Variants in TIAM2 observed in about 807,000 individuals in gnomAD.
TIAM2 encodes rho guanine nucleotide exchange factor TIAM2.
Under a neutral mutation model 152.9 loss-of-function variants are expected in TIAM2, and 80 were observed. That is an observed-to-expected ratio of 0.52 (90% CI 0.44 to 0.63). TIAM2 has a LOEUF of 0.63. Ranked by LOEUF, TIAM2 falls within the 30% of genes least tolerant of loss-of-function variation. The pLI is 0.00. For synonymous variants in TIAM2, 804 were observed against 838.0 expected (o/e 0.96, Z 0.70); for missense variants, 1,965 against 2,120.1 (o/e 0.93, Z 1.44).
intron 15 of TIAM2, among the ~76,000 whole-genome samples, chr6:155,237,886 A>G (rs777945944): frequency 6.6e-6 from 1 of 152,230 alleles, no homozygotes; most frequent in Non-Finnish European, 1.5e-5. Context: ...GACCTCTGAC[A>G]TGCCCTGGAG....
At chr6:155,015,554 A>C (rs1233639487) in intron 1 of TIAM2, among the ~76,000 whole-genome samples, 2 of 152,178 alleles carry the variant, frequency 1.3e-5, no homozygotes, top group Admixed American at 1.3e-4. Context: ...TGGAAGAAGA[A>C]TAGGAGGCAG....
chr6:155,255,784 G>C (rs1050172443), intron 26 of TIAM2: 1 of 152,374 alleles, frequency 6.6e-6, no homozygotes, highest in African/African-American at 2.4e-5. Context: ...TGGATCCCTT[G>C]AGCTCTTGAG....
At chr6:155,217,430 C>T (rs371122990) in intron 15 of TIAM2, among the ~76,000 whole-genome samples, 3 of 152,280 alleles carry the variant, frequency 2.0e-5, no homozygotes, top group African/African-American at 7.2e-5. Flanking sequence ...AATATTTACT[C>T]TACAAAATAT....
chr6:155,137,063 C>T, intron 4 of TIAM2, 114 bp from the exon 5 acceptor site: 2 of 1,123,998 alleles, frequency 1.8e-6, no homozygotes, highest in Non-Finnish European at 2.5e-6. Flanking sequence ...TTACAAGAAT[C>T]TTGCTTTGCA....
intron 7 of TIAM2, among the ~76,000 whole-genome samples, chr6:155,161,899 C>G (rs1780283028): frequency 6.6e-6 from 1 of 152,026 alleles, no homozygotes; most frequent in South Asian, 2.1e-4. Flanking sequence ...TTTAATCCAC[C>G]ATGGATTGCA....
intron 15 of TIAM2, among the ~76,000 whole-genome samples, chr6:155,224,986 C>T (rs571363963): frequency 1.1e-3 from 162 of 152,280 alleles, no homozygotes; most frequent in Non-Finnish European, 1.7e-3. Flanking sequence ...AGATGGGTCT[C>T]GCTCTGTCAC....
intron 2 of TIAM2, among the ~76,000 whole-genome samples, chr6:155,100,741 T>C (rs1778533576): frequency 6.6e-6 from 1 of 152,234 alleles, no homozygotes; most frequent in Admixed American, 6.5e-5. Flanking sequence ...TTACATCTAT[T>C]GTTTTACATG....
chr6:155,163,988 C>T (rs1462611404), intron 7 of TIAM2, among the ~76,000 whole-genome samples: 5 of 144,732 alleles, frequency 3.5e-5, no homozygotes, highest in Non-Finnish European at 7.5e-5. Flanking sequence ...GAGACGGAGT[C>T]TTGCTTGGTT....
intron 11 of TIAM2, 112 bp downstream of exon 11, chr6:155,179,255 A>C: frequency 7.0e-7 from 1 of 1,431,868 alleles, no homozygotes; most frequent in Non-Finnish European, 9.7e-7. Context: ...TCTAGTTTGG[A>C]AACAGTCTCT....
intron 1 of TIAM2, among the ~76,000 whole-genome samples, chr6:154,996,263 A>G (rs1778210182): frequency 6.6e-6 from 1 of 152,186 alleles, no homozygotes; most frequent in African/African-American, 2.4e-5. Context: ...TTTAATATTG[A>G]TGAGCTTGCA....
intron 3 of TIAM2, among the ~76,000 whole-genome samples, chr6:155,128,716 C>T (rs1344836620): frequency 2.0e-5 from 3 of 150,578 alleles, no homozygotes; most frequent in Admixed American, 6.6e-5. Flanking sequence ...AAAAAAACCC[C>T]GAGCTTGAGA....
chr6:155,199,529 G>A (rs1184343891), intron 14 of TIAM2, among the ~76,000 whole-genome samples: 1 of 152,124 alleles, frequency 6.6e-6, no homozygotes, highest in African/African-American at 2.4e-5. Context: ...TGTGACCATG[G>A]GCAGGTTACT....
chr6:155,218,660 C>CGT lies in TIAM2; in HGVS notation c.3168+7363_3168+7364dup, dbSNP rs1452497434. Among the ~76,000 whole-genome samples the CGT allele has an allele frequency of 4.6e-5, 7 of 152,130 alleles. No individual in the cohort carries two copies. Among genetic ancestry groups the CGT allele is most frequent in the Non-Finnish European group, 2.9e-5 (2 of 68,014 alleles). ...CTTCCTGGTGCGTCTCCCATGTATA[C>CGT]GTGTGTGTGTGAAGGTTTTCCCTGT... On this transcript the variant is annotated intron_variant, in intron 15 of 26. Transcript: ENST00000682666. The surrounding 1 kb of genome is among the most constrained non-coding windows in gnomAD (Gnocchi z 4.5).
chr6:155,165,287 C>G lies in TIAM2; in HGVS notation c.2239C>G (p.Leu747Val). The change falls in exon 9 of 27, where the codon CTC (leucine) becomes GTC (valine). Residue 747 changes from leucine to valine, a missense_variant. Leu to Val is a conservative substitution (Grantham distance 32, BLOSUM62 1). Coordinates refer to ENST00000682666, the MANE Select transcript of TIAM2 (RefSeq NM_012454.4). ...ALVCSRDDSA[L>V]RKRTLSLTQR... ...GGTATGTTCTAGAGATGACTCTGCT[C>G]TCCGGAAAAGGACACTGTCACTGAC... 6.2e-7 allele frequency: 1 copy of G among 1,613,880 alleles called. No individual in the cohort carries two copies. The highest frequency in any genetic ancestry group is 1.7e-4 in the Middle Eastern group (1 of 6,060).
At chr6:155,083,386 A>G (rs1424045435) in intron 1 of TIAM2, among the ~76,000 whole-genome samples, 6 of 147,152 alleles carry the variant, frequency 4.1e-5, no homozygotes, top group Admixed American at 6.8e-5. Context: ...AGAGAGAGAG[A>G]TGGGCAAGAC....
At chr6:155,151,866 C>CA (rs966094348) in intron 7 of TIAM2, among the ~76,000 whole-genome samples, 22 of 112,854 alleles carry the variant, frequency 1.9e-4, no homozygotes, top group African/African-American at 7.0e-4. Context: ...TTTTTTGAGA[C>CA]AGAGTTTTGC....
intron 1 of TIAM2, among the ~76,000 whole-genome samples, chr6:155,032,302 C>T (rs2114892054): frequency 6.6e-6 from 1 of 152,300 alleles, no homozygotes; most frequent in African/African-American, 2.4e-5. Flanking sequence ...CCACTTGCCA[C>T]TCACAGTGTG....
chr6:155,114,328 T>C (rs1778959676), intron 2 of TIAM2, among the ~76,000 whole-genome samples: 1 of 152,000 alleles, frequency 6.6e-6, no homozygotes, highest in Admixed American at 6.6e-5. Flanking sequence ...GTGTTGGGAT[T>C]ACAGGCGTGA....
chr6:155,183,046 G>A (rs1049876624), intron 13 of TIAM2, among the ~76,000 whole-genome samples, 191 bp from the exon 14 acceptor site: 21 of 152,270 alleles, frequency 1.4e-4, no homozygotes, highest in African/African-American at 4.6e-4. Flanking sequence ...TGATCTTCCT[G>A]TCTCTGCCTC....
Sources: gnomAD v4.1 joint callset for allele counts (sites outside exome capture counted in the v4.1 genomes callset) on GRCh38, gnomAD v4.1.1 for gene constraint, Gnocchi (gnomAD v3.1) non-coding constraint, MANE v1.5 for transcripts, NCBI Gene and HGNC (gene_info 2026-07-23, HGNC 2026-07-21) for gene names.